The following OSBPL5 variants were observed in gnomAD, a reference collection of about 807,000 sequenced individuals.
OSBPL5 encodes oxysterol binding protein like 5.
Under a neutral mutation model 111.2 loss-of-function variants are expected in OSBPL5, and 71 were observed. The ratio of observed to expected loss-of-function variants is 0.64; its 90% confidence interval spans 0.53 to 0.78. The LOEUF is 0.78. OSBPL5 is among the 30% of genes least tolerant of loss of function. OSBPL5 has a pLI of 0.00. For synonymous variants in OSBPL5, 549 were observed against 513.9 expected (o/e 1.07, Z -0.93); for missense variants, 1,210 against 1,189.3 (o/e 1.02, Z -0.26).
At chr11:3,134,674 G>A (rs146051246) in intron 1 of OSBPL5, among the ~76,000 whole-genome samples, 32 of 152,376 alleles carry the variant, frequency 2.1e-4, no homozygotes, top group African/African-American at 7.7e-4. Context: ...GAGACCCGCT[G>A]TCCACCGAAA....
chr11:3,127,911 C>T (rs180802542), intron 2 of OSBPL5, among the ~76,000 whole-genome samples: 4 of 152,312 alleles, frequency 2.6e-5, no homozygotes, highest in Non-Finnish European at 4.4e-5. Flanking sequence ...TCTTCTGCAC[C>T]GCCTGGGCCA....
Position 3,122,020 on chromosome 11 carries a change from C to A in OSBPL5, c.379G>T (p.Val127Phe), listed in dbSNP as rs1287141205. The part of the protein sequence containing the change: ...LLSALTDPSV[V>F]IMADSLKIRG... ...ACCTTCAGGCTGTCAGCCATGATGACCACGCTGGGGTCTGTCAGAGCGCTG... is the reference window on the plus strand; with the variant it reads ...ACCTTCAGGCTGTCAGCCATGATGAACACGCTGGGGTCTGTCAGAGCGCTG... Residue 127 changes from valine (V) to phenylalanine (F), a missense_variant, in exon 5 of 22, where the codon GTC becomes TTC. Physicochemically the swap from Val to Phe is conservative, Grantham distance 50 (BLOSUM62 -1). Transcript: ENST00000263650. The A allele has an allele frequency of 1.3e-6, 2 of 1,576,626 alleles. No homozygotes were observed. Among genetic ancestry groups the A allele is most frequent in the Admixed American group, 1.8e-5 (1 of 56,406 alleles).
intron 10 of OSBPL5, 73 bp from the exon 11 acceptor site, chr11:3,103,393 C>T (rs1159226741): frequency 7.2e-7 from 1 of 1,387,502 alleles, no homozygotes; most frequent in Non-Finnish European, 9.9e-7. Context: ...CTGACCCTTC[C>T]CTCCTACCAT....
At chr11:3,120,821 G>A (rs1477860163) in intron 5 of OSBPL5, among the ~76,000 whole-genome samples, 197 bp from the exon 6 acceptor site, 2 of 152,194 alleles carry the variant, frequency 1.3e-5, no homozygotes, top group African/African-American at 2.4e-5. Context: ...TGTGTCTATC[G>A]TGTACCCGAG....
At chr11:3,103,452 TC>T (rs1319831201) in intron 10 of OSBPL5, 132 bp from the exon 11 acceptor site, 9 of 722,242 alleles carry the variant, frequency 1.2e-5, no homozygotes, top group Non-Finnish European at 1.8e-5. Flanking sequence ...GCCCAGGCGC[TC>T]TGGTCACCCC....
rs1857170609 is a variant in OSBPL5, at chr11:3,094,279, A to G, written c.1677T>C (p.Cys559=). 1 of 1,613,444 alleles carries G rather than the reference A, an allele frequency of 6.2e-7. No homozygotes were observed. Among genetic ancestry groups the G allele is most frequent in the Admixed American group, 1.7e-5 (1 of 59,996 alleles). ...LELGGKVTIE[C]AKNNFQAQLE... is the part of the protein sequence containing the mutation. The stretch of plus-strand genomic sequence containing the variant: ...GCTGGGCCTGGAAGTTGTTCTTCGC[A>G]CACTCGATGGTGACCTTCCCACCCA... The change falls in exon 15 of 22, where the codon TGT becomes TGC. Residue 559 remains cysteine, a synonymous_variant. Transcript: ENST00000263650.
rs577980737 is a variant in OSBPL5, at chr11:3,113,482, C to T, written c.692-5537G>A. Among the ~76,000 whole-genome samples, 16 of 152,148 alleles carry T rather than the reference C, an allele frequency of 1.1e-4. No individual in the cohort carries two copies. The highest frequency in any genetic ancestry group is 1.9e-4 in the Non-Finnish European group (13 of 68,000). On this transcript the variant is annotated intron_variant, in intron 7 of 21. Coordinates refer to ENST00000263650, the MANE Select transcript of OSBPL5 (RefSeq NM_020896.4). The surrounding 1 kb of genome is among the most constrained non-coding windows in gnomAD (Gnocchi z 4.8). ...CCAGTCTGGCCAACATAGTGAAACC[C>T]CATCTCTACTAAAAATACAAAAATT...
Position 3,162,843 on chromosome 11 carries a change from G to C in OSBPL5, c.-22+2373C>G, listed in dbSNP as rs1425653560. Reference sequence around the variant, plus strand: ...GTCACAAGCAGCATGAGGACATCCAGGGCAGCATGCCTGTCCCTGTCGGGA... The same window carrying C: ...GTCACAAGCAGCATGAGGACATCCACGGCAGCATGCCTGTCCCTGTCGGGA... On this transcript the variant is annotated intron_variant, in intron 1 of 21. Coordinates refer to ENST00000263650, the MANE Select transcript of OSBPL5 (RefSeq NM_020896.4). The surrounding 1 kb of genome is among the most constrained non-coding windows in gnomAD (Gnocchi z 8.1). Among the ~76,000 whole-genome samples, 1 of 152,136 alleles carries C rather than the reference G, an allele frequency of 6.6e-6. No homozygotes were observed. Among genetic ancestry groups the C allele is most frequent in the Non-Finnish European group, 1.5e-5 (1 of 68,018 alleles).
intron 1 of OSBPL5, among the ~76,000 whole-genome samples, chr11:3,157,976 C>A (rs1306914551): frequency 1.3e-5 from 2 of 152,246 alleles, no homozygotes; most frequent in East Asian, 3.9e-4. Context: ...CCTCTGTCCC[C>A]CTCTCTCTGT....
chr11:3,128,940 G>A, intron 2 of OSBPL5, 73 bp downstream of exon 2: 1 of 1,350,880 alleles, frequency 7.4e-7, no homozygotes, highest in Non-Finnish European at 9.7e-7. Context: ...GCACAGAGGG[G>A]TTGGGCCGCC....
chr11:3,103,050 C>G (rs1857512130), intron 11 of OSBPL5, among the ~76,000 whole-genome samples, 189 bp downstream of exon 11: 1 of 152,164 alleles, frequency 6.6e-6, no homozygotes, highest in South Asian at 2.1e-4. Flanking sequence ...TCCAGGGCCC[C>G]AACTGTGGGA....
Position 3,088,092 on chromosome 11 carries a change from C to T in OSBPL5, c.*113G>A, listed in dbSNP as rs924031040. ...GGGTCCCTCCTGCGCCTGGACTCCCCGTCACAGTGGCTGTGCTTGCCGGGC... is the reference window on the plus strand; with the variant it reads ...GGGTCCCTCCTGCGCCTGGACTCCCTGTCACAGTGGCTGTGCTTGCCGGGC... On this transcript the variant is annotated 3_prime_UTR_variant, in exon 22 of 22. Coordinates refer to ENST00000263650, the MANE Select transcript of OSBPL5 (RefSeq NM_020896.4). The T allele has an allele frequency of 1.1e-5, 12 of 1,085,348 alleles. No individual in the cohort carries two copies. Among genetic ancestry groups the T allele is most frequent in the South Asian group, 3.9e-5 (2 of 51,834 alleles). 67.2% of individuals were successfully genotyped at this position (1,085,348 alleles called of 1,614,324 possible).
chr11:3,097,328 C>T (rs867335103), intron 14 of OSBPL5, among the ~76,000 whole-genome samples: 9 of 152,018 alleles, frequency 5.9e-5, no homozygotes, highest in Non-Finnish European at 1.2e-4. Context: ...AAGGAACAGT[C>T]GCAGAAAGGC....
chr11:3,120,603 A>G lies in OSBPL5; in HGVS notation c.424T>C (p.Trp142Arg), dbSNP rs772394968. The G allele has an allele frequency of 1.2e-6, 2 of 1,612,866 alleles. No individual in the cohort carries two copies. Among genetic ancestry groups the G allele is most frequent in the African/African-American group, 2.7e-5 (2 of 74,926 alleles). ...SLKIRGTLKS[W>R]TKLWCVLKPG... ...TTCAGCACGCACCACAGCTTGGTCC[A>G]GCTCTTCAGGGTGCCGCGGATCTGC... Residue 142 changes from tryptophan to arginine, a missense_variant, in exon 6 of 22, where the codon TGG (tryptophan) becomes CGG (arginine). Trp to Arg is a moderately radical substitution (Grantham distance 101). Coordinates refer to ENST00000263650, the MANE Select transcript of OSBPL5 (RefSeq NM_020896.4).
chr11:3,125,862 G>T (rs1319681033), intron 3 of OSBPL5, among the ~76,000 whole-genome samples: 5 of 151,510 alleles, frequency 3.3e-5, no homozygotes, highest in Admixed American at 2.6e-4. Flanking sequence ...GGCACCTGTA[G>T]TCCCAGCTCC....
At chr11:3,128,698 GTCCC>G (rs1376903141) in intron 2 of OSBPL5, among the ~76,000 whole-genome samples, 2 of 152,022 alleles carry the variant, frequency 1.3e-5, no homozygotes, top group Non-Finnish European at 2.9e-5. Context: ...CAGGCCACCT[GTCCC>G]TGGAGCCTGC....
intron 7 of OSBPL5, among the ~76,000 whole-genome samples, chr11:3,111,914 A>G (rs1345938323): frequency 6.6e-6 from 1 of 151,964 alleles, no homozygotes; most frequent in Non-Finnish European, 1.5e-5. Context: ...AAGAAGCTCA[A>G]TGGTTAAAAG....
rs906055505 is a variant in OSBPL5 at position 3,107,633 on chromosome 11, G to A, written c.866+138C>T. 1.5e-6 allele frequency: 2 copies of A among 1,373,368 alleles called. No individual in the cohort carries two copies. The highest frequency in any genetic ancestry group is 2.0e-6 in the Non-Finnish European group (2 of 999,478). 85.1% of individuals were successfully genotyped at this position (1,373,368 alleles called of 1,614,324 possible). A position where few individuals can be genotyped will look rare whatever the true frequency, so the allele number is the denominator to read the frequency against. Reference sequence around the variant, plus strand: ...AGAGGAAGGAACCGAGGCTCCCAGGGCACACTGCAGCGAACAAGTCCCTGC... The same window carrying A: ...AGAGGAAGGAACCGAGGCTCCCAGGACACACTGCAGCGAACAAGTCCCTGC... On this transcript the variant is annotated intron_variant, in intron 8 of 21. Transcript: ENST00000263650. The surrounding 1 kb of genome is among the most constrained non-coding windows in gnomAD (Gnocchi z 6.1).
chr11:3,156,133 A>G lies in OSBPL5; in HGVS notation c.-22+9083T>C, dbSNP rs1191222401. Among the ~76,000 whole-genome samples the G allele has an allele frequency of 7.9e-5, 12 of 152,268 alleles. 1 individual carries two copies. Among genetic ancestry groups the G allele is most frequent in the Admixed American group, 7.2e-4 (11 of 15,298 alleles). ...GGGAAGGGAAGTCAGCACTGAGCAC[A>G]GGAGGGACCAGGCCCCATCTCGCTG... is the stretch of plus-strand genomic sequence containing the variant. On this transcript the variant is annotated intron_variant, in intron 1 of 21. Transcript: ENST00000263650.
Sources: allele counts gnomAD v4.1 joint callset (sites outside exome capture counted in the v4.1 genomes callset), GRCh38; gene constraint gnomAD v4.1.1; non-coding constraint Gnocchi (gnomAD v3.1); transcripts MANE v1.5; gene names NCBI Gene and HGNC (gene_info 2026-07-23, HGNC 2026-07-21).